ADAM32: variants seen among roughly 807,000 people sequenced by gnomAD.
ADAM32 encodes ADAM metallopeptidase domain 32.
Under a neutral mutation model 114.9 loss-of-function variants are expected in ADAM32, and 89 were observed. The ratio of observed to expected loss-of-function variants is 0.77; its 90% CI spans 0.65 to 0.92. The LOEUF (loss-of-function observed/expected upper bound fraction) is 0.92. Among genes scored for constraint, ADAM32 ranks in the 40% least tolerant of loss-of-function variants. The pLI is 0.00. For missense variants in ADAM32, 870 were observed against 932.8 expected (o/e 0.93, Z 0.88); for synonymous variants, 285 against 307.5 (o/e 0.93, Z 0.77).
chr8:39,246,042 C>A, intron 16 of ADAM32, 41 bp from the exon 17 acceptor site: 2 of 1,464,326 alleles, frequency 1.4e-6, no homozygotes, highest in Non-Finnish European at 1.9e-6. Context: ...TGACTGTACC[C>A]CTCTGACATG....
At chr8:39,113,349 C>T (rs1489464123) in intron 1 of ADAM32, among the ~76,000 whole-genome samples, 2 of 150,864 alleles carry the variant, frequency 1.3e-5, no homozygotes, top group African/African-American at 5.0e-5. Flanking sequence ...TGAAGCAGGG[C>T]AGTGCCATCT....
intron 10 of ADAM32, among the ~76,000 whole-genome samples, chr8:39,173,336 G>T (rs908188856): frequency 6.6e-5 from 10 of 152,036 alleles, no homozygotes; most frequent in Non-Finnish European, 5.9e-5. Context: ...AGCATCTGTT[G>T]TTTCTTGACT....
intron 15 of ADAM32, among the ~76,000 whole-genome samples, chr8:39,233,331 C>A (rs1809871450): frequency 6.6e-6 from 1 of 152,172 alleles, no homozygotes; most frequent in South Asian, 2.1e-4. Flanking sequence ...ATTCCCAGAA[C>A]TGAGGGTTCT....
intron 10 of ADAM32, among the ~76,000 whole-genome samples, chr8:39,177,758 T>G (rs1179143325): frequency 6.8e-6 from 1 of 147,802 alleles, no homozygotes; most frequent in East Asian, 1.9e-4. Context: ...TTATTTCTCT[T>G]TTGTTTATGA....
chr8:39,194,095 A>G (rs2129447508), intron 11 of ADAM32, among the ~76,000 whole-genome samples: 1 of 152,284 alleles, frequency 6.6e-6, no homozygotes, highest in East Asian at 1.9e-4. Context: ...CGATGGTGAC[A>G]GCATAGCTCA....
intron 12 of ADAM32, among the ~76,000 whole-genome samples, chr8:39,214,273 A>G (rs1193492922): frequency 2.6e-5 from 4 of 152,154 alleles, no homozygotes; most frequent in African/African-American, 7.2e-5. Flanking sequence ...ACTGTTATAC[A>G]TAGTGATTGT....
chr8:39,245,789 A>T (rs887491762), intron 16 of ADAM32, among the ~76,000 whole-genome samples: 4 of 152,008 alleles, frequency 2.6e-5, no homozygotes, highest in African/African-American at 7.2e-5. Context: ...GTTTGCTAAA[A>T]CTCTCTTATT....
intron 10 of ADAM32, among the ~76,000 whole-genome samples, chr8:39,172,476 C>G (rs556795903): frequency 1.3e-5 from 2 of 152,264 alleles, no homozygotes; most frequent in Admixed American, 6.5e-5. Flanking sequence ...TCCTGGTGCT[C>G]TCCCTTCCCT....
At chr8:39,107,545 A>C (rs997041491), upstream of ADAM32, 1 of 1,270,800 alleles carries the variant, frequency 7.9e-7, no homozygotes. Context: ...TCCAGCAACC[A>C]CGCGGCTGGG....
At chr8:39,146,259 C>T (rs1007748855) in intron 3 of ADAM32, among the ~76,000 whole-genome samples, 1 of 152,038 alleles carries the variant, frequency 6.6e-6, no homozygotes, top group Non-Finnish European at 1.5e-5. Context: ...TTAGACTGGA[C>T]GTTTCAGTAC....
chr8:39,242,743 G>A (rs1316722389), intron 16 of ADAM32, among the ~76,000 whole-genome samples: 1 of 152,002 alleles, frequency 6.6e-6, no homozygotes, highest in Non-Finnish European at 1.5e-5. Flanking sequence ...AGAGAAACAG[G>A]AACAAACTAA....
chr8:39,170,126 A>G, intron 10 of ADAM32, 129 bp downstream of exon 10: 2 of 642,198 alleles, frequency 3.1e-6, no homozygotes, highest in Non-Finnish European at 5.0e-6. Flanking sequence ...ATTACTGTTA[A>G]AATTTTTAAG....
intron 16 of ADAM32, among the ~76,000 whole-genome samples, chr8:39,242,366 G>A (rs1435435098): frequency 6.6e-6 from 1 of 152,106 alleles, no homozygotes; most frequent in Non-Finnish European, 1.5e-5. Context: ...CCACTCTACT[G>A]GTACCAATTT....
At chr8:39,143,917 C>T (rs1309018170) in intron 3 of ADAM32, among the ~76,000 whole-genome samples, 2 of 152,156 alleles carry the variant, frequency 1.3e-5, no homozygotes, top group African/African-American at 4.8e-5. Context: ...CTATTCAAGC[C>T]TCAGTAATGG....
intron 7 of ADAM32, among the ~76,000 whole-genome samples, chr8:39,163,917 A>C (rs567431210): frequency 2.6e-5 from 4 of 152,228 alleles, no homozygotes; most frequent in Admixed American, 1.3e-4. Flanking sequence ...GAGTTTGTCT[A>C]TGGATATATA....
At chr8:39,152,734 A>AG (rs1803914308) in intron 6 of ADAM32, among the ~76,000 whole-genome samples, 1 of 7,382 alleles carries the variant, frequency 1.4e-4, no homozygotes, top group African/African-American at 1.7e-4. Flanking sequence ...AAAAAAAAAA[A>AG]AAAAAAAAAA....
intron 22 of ADAM32, among the ~76,000 whole-genome samples, chr8:39,278,348 T>C (rs1421142366): frequency 6.6e-6 from 1 of 152,198 alleles, no homozygotes; most frequent in Non-Finnish European, 1.5e-5. Context: ...TCTCTTTGGA[T>C]GGTGGTTTCC....
intron 18 of ADAM32, among the ~76,000 whole-genome samples, chr8:39,255,534 G>A (rs1811602682): frequency 6.6e-6 from 1 of 151,878 alleles, no homozygotes; most frequent in South Asian, 2.1e-4. Context: ...CTTCTTTTGA[G>A]AGTTACCTAT....
At position 39,157,828 on chromosome 8, in the gene ADAM32, A is replaced by T. The variant is rs549860299; in HGVS notation, c.526-3069A>T. The T allele has an allele frequency of 6.8e-5, 54 of 797,822 alleles. No homozygotes were observed. The South Asian group carries it at 7.9e-4, about 12-fold the overall frequency. The allele number at this position is 797,822 out of a possible 1,614,324, so 49.4% of individuals were successfully genotyped here. A position where few individuals can be genotyped will look rare whatever the true frequency, so the allele number is the denominator to read the frequency against. ...GCTCTTGTCAGGTTATAGTCAGTGG[A>T]GGCACTGATCAATTTGCCATCCTTG... On this transcript the variant is annotated intron_variant, in intron 6 of 24. Transcript: ENST00000379907.
Sources: gnomAD v4.1 joint callset for allele counts (sites outside exome capture counted in the v4.1 genomes callset) on GRCh38, gnomAD v4.1.1 for gene constraint, MANE v1.5 for transcripts, NCBI Gene and HGNC (gene_info 2026-07-23, HGNC 2026-07-21) for gene names.